SLC28A1: variants seen among roughly 807,000 people sequenced by gnomAD.
SLC28A1 encodes the protein sodium/nucleoside cotransporter 1.
SLC28A1 carries 64 observed loss-of-function variants against 74.8 expected under a neutral mutation model. The ratio of observed to expected loss-of-function variants is 0.86; its 90% CI spans 0.70 to 1.05. The LOEUF is 1.05. SLC28A1 is among the 50% of genes least tolerant of loss of function. The probability of loss-of-function intolerance (pLI) is 0.00; values close to 1 mark genes in which losing one functional copy is unlikely to be tolerated. For missense variants in SLC28A1, 828 were observed against 822.8 expected (o/e 1.01, Z -0.08); for synonymous variants, 359 against 335.0 (o/e 1.07, Z -0.78).
chr15:84,968,253 T>G, the SLC28A1 span, among the ~76,000 whole-genome samples: 21 of 152,152 alleles, frequency 1.4e-4, no homozygotes, highest in African/African-American at 5.1e-4. Context: ...TAATAAAGCT[T>G]GCTTGATGGG....
chr15:84,898,030 A>G (rs1320985976), intron 6 of SLC28A1, among the ~76,000 whole-genome samples: 1 of 152,036 alleles, frequency 6.6e-6, no homozygotes, highest in East Asian at 1.9e-4. Context: ...TTATCCATTC[A>G]TCTGTTGATG....
At chr15:84,928,241 GTC>G (rs1170775047) in intron 12 of SLC28A1, among the ~76,000 whole-genome samples, 2 of 152,128 alleles carry the variant, frequency 1.3e-5, no homozygotes, top group Non-Finnish European at 2.9e-5. Context: ...CCATTTTACA[GTC>G]TCTGGTTTGA....
intron 8 of SLC28A1, 109 bp from the exon 9 acceptor site, chr15:84,908,609 G>A: frequency 1.1e-6 from 1 of 873,780 alleles, no homozygotes. Flanking sequence ...ATAAGGGCCT[G>A]GGGGGACTAC....
chr15:84,933,358 A>C, intron 13 of SLC28A1, 83 bp downstream of exon 13: 1 of 1,517,966 alleles, frequency 6.6e-7, no homozygotes, highest in Non-Finnish European at 9.0e-7. Context: ...CTCTCTGTCC[A>C]TCACTGTCTT....
intron 11 of SLC28A1, among the ~76,000 whole-genome samples, chr15:84,921,399 T>C (rs1451538): frequency 0.95 from 145,278 of 152,318 alleles, 69,327 homozygotes; most frequent in Admixed American, 0.98. Flanking sequence ...TGACCAAGAT[T>C]CCACACATAT....
chr15:84,929,543 CAA>C (rs58184497), intron 12 of SLC28A1, among the ~76,000 whole-genome samples: 57,985 of 144,340 alleles, frequency 0.4, 12,043 homozygotes, highest in Middle Eastern at 0.56. Flanking sequence ...GACTCTGTTT[CAA>C]AAAAAAAAAA....
intron 12 of SLC28A1, chr15:84,926,681 G>A: frequency 2.8e-6 from 1 of 360,366 alleles, no homozygotes. Context: ...ACACAAGGTG[G>A]TAGCATTCAG....
In SLC28A1 at chr15:84,888,637, C is replaced by A. The variant is rs1361456046; in HGVS notation, c.97-135C>A. On this transcript the variant is annotated intron_variant, in intron 3 of 18. Transcript: ENST00000394573. ...TGCCTTGCAGAATCCAGTTTAGTAG[C>A]CTTCTAATTCCTCCCTGTGCCCCAG... 7.3e-6 allele frequency: 5 copies of A among 683,320 alleles called. No individual in the cohort carries two copies. The Admixed American group carries it at 8.2e-5, about 11-fold the overall frequency. The allele number at this position is 683,320 out of a possible 1,614,324, so 42.3% of individuals were successfully genotyped here.
At chr15:84,884,899 G>A (rs1188918379) in intron 1 of SLC28A1, 148 bp downstream of exon 1, 1 of 181,468 alleles carries the variant, frequency 5.5e-6, no homozygotes, top group Non-Finnish European at 1.1e-5. Context: ...ACAGCTCCAG[G>A]CCCATCCCTG....
chr15:84,934,553 C>G (rs915500979), intron 13 of SLC28A1, among the ~76,000 whole-genome samples: 12 of 152,184 alleles, frequency 7.9e-5, no homozygotes, highest in Admixed American at 7.9e-4. Context: ...TTCTGAGGCA[C>G]TGGAGCAGCG....
chr15:84,889,744 C>CCTTTCTTTTCTTTCTCT (rs1965121552), intron 4 of SLC28A1, among the ~76,000 whole-genome samples: 2 of 81,682 alleles, frequency 2.4e-5, no homozygotes, highest in African/African-American at 1.0e-4. Flanking sequence ...TTCCTTCCTT[C>CCTTTCTTTTCTTTCTCT]CTTCCTTCCT....
chr15:84,893,486 C>T (rs1474138616), intron 5 of SLC28A1, among the ~76,000 whole-genome samples: 1 of 152,178 alleles, frequency 6.6e-6, no homozygotes, highest in Non-Finnish European at 1.5e-5. Flanking sequence ...TATCTTCTCC[C>T]TCAATGTTAT....
chr15:84,924,693 C>G (rs1040350312), intron 12 of SLC28A1, among the ~76,000 whole-genome samples: 19 of 152,214 alleles, frequency 1.2e-4, no homozygotes, highest in Non-Finnish European at 1.5e-5. Context: ...AAATGCATCC[C>G]TCACATAATG....
At position 84,943,556 on chromosome 15, in the gene SLC28A1, T is replaced by G. The variant is rs771252037; in HGVS notation, c.1663+30T>G. ...GTCTAATCAGGGCCTCACCAGTGTC[T>G]AGGAGAGTCTGGGACTTGAACTTGC... is the stretch of plus-strand genomic sequence containing the variant. On this transcript the variant is annotated intron_variant, in intron 16 of 18. Coordinates refer to ENST00000394573, the MANE Select transcript of SLC28A1 (RefSeq NM_004213.5). The G allele has an allele frequency of 3.9e-6, 6 of 1,541,918 alleles. No homozygotes were observed. The South Asian group carries it at 6.7e-5, about 17-fold the overall frequency.
chr15:84,895,656 G>A, intron 6 of SLC28A1: 1 of 1,424,410 alleles, frequency 7.0e-7, no homozygotes, highest in Non-Finnish European at 9.2e-7. Flanking sequence ...AGGTTGTGGA[G>A]GGAAAATTCA....
chr15:84,908,913 G>T, intron 9 of SLC28A1, 118 bp downstream of exon 9: 2 of 830,754 alleles, frequency 2.4e-6, no homozygotes, highest in Admixed American at 3.9e-5. Flanking sequence ...GTGGGCAGAG[G>T]TCGCCGTACT....
chr15:84,964,258 C>T, the SLC28A1 span, among the ~76,000 whole-genome samples: 443 of 151,430 alleles, frequency 2.9e-3, 3 homozygotes, highest in African/African-American at 9.8e-3. Context: ...GGGAAGGAAA[C>T]GATAAGGGCA....
chr15:84,901,412 C>T (rs1966672324), intron 6 of SLC28A1, among the ~76,000 whole-genome samples: 1 of 152,086 alleles, frequency 6.6e-6, no homozygotes, highest in Non-Finnish European at 1.5e-5. Context: ...GAGACTGAGG[C>T]AGGAGAATTG....
At chr15:84,946,981 C>T (rs952583515), downstream of SLC28A1, among the ~76,000 whole-genome samples, 2 of 152,222 alleles carry the variant, frequency 1.3e-5, no homozygotes, top group African/African-American at 4.8e-5. Context: ...CTAGCTGGGG[C>T]TGACCCTGAC....
Sources: allele counts gnomAD v4.1 joint callset (sites outside exome capture counted in the v4.1 genomes callset), GRCh38; gene constraint gnomAD v4.1.1; transcripts MANE v1.5; gene names NCBI Gene and HGNC (gene_info 2026-07-23, HGNC 2026-07-21).